Variants in TRABD2B observed in about 807,000 individuals in gnomAD.
TRABD2B encodes the protein TraB domain containing 2B, also known as metalloprotease TIKI2.
TRABD2B carries 14 observed loss-of-function variants against 40.1 expected under a neutral mutation model. The observed-to-expected ratio is 0.35, with a 90% CI of 0.23 to 0.55. The LOEUF (loss-of-function observed/expected upper bound fraction) is 0.55. TRABD2B is among the 20% of genes least tolerant of loss of function. TRABD2B has a pLI of 0.90. For synonymous variants in TRABD2B, 263 were observed against 277.0 expected (o/e 0.95, Z 0.50); for missense variants, 541 against 648.6 (o/e 0.83, Z 1.80).
intron 2 of TRABD2B, among the ~76,000 whole-genome samples, chr1:47,918,523 G>A (rs1048128434): frequency 5.3e-5 from 8 of 152,066 alleles, no homozygotes; most frequent in South Asian, 2.1e-4. Context: ...CAAACACAGT[G>A]GCCTTCACTG....
chr1:47,935,586 T>C (rs1645096416), intron 2 of TRABD2B, among the ~76,000 whole-genome samples: 2 of 152,136 alleles, frequency 1.3e-5, no homozygotes, highest in African/African-American at 4.8e-5. Flanking sequence ...GCAGGATATT[T>C]AAGAGGACTC....
chr1:47,933,777 C>T (rs1332773745), intron 2 of TRABD2B, among the ~76,000 whole-genome samples: 1 of 152,172 alleles, frequency 6.6e-6, no homozygotes, highest in Non-Finnish European at 1.5e-5. Context: ...TCTGCTGAAC[C>T]AAACTTTTCC....
At chr1:47,811,901 C>T (rs983782191) in intron 2 of TRABD2B, among the ~76,000 whole-genome samples, 1 of 152,230 alleles carries the variant, frequency 6.6e-6, no homozygotes, top group Non-Finnish European at 1.5e-5. Flanking sequence ...GAACATTACA[C>T]CTACCATCCC....
At chr1:47,928,523 CTG>C (rs1167393012) in intron 2 of TRABD2B, among the ~76,000 whole-genome samples, 1 of 152,238 alleles carries the variant, frequency 6.6e-6, no homozygotes, top group Non-Finnish European at 1.5e-5. Context: ...GCCCAAGAAT[CTG>C]TGAAAAGACT....
intron 2 of TRABD2B, among the ~76,000 whole-genome samples, chr1:47,843,506 G>C (rs558990325): frequency 6.6e-6 from 1 of 152,280 alleles, no homozygotes; most frequent in South Asian, 2.1e-4. Flanking sequence ...GTTTGGTTTA[G>C]GGTATGTGCA....
chr1:47,904,566 G>A (rs1249528697), intron 2 of TRABD2B, among the ~76,000 whole-genome samples: 1 of 152,082 alleles, frequency 6.6e-6, no homozygotes, highest in East Asian at 1.9e-4. Context: ...AGGGGTGCTT[G>A]CGAAAAGCCC....
intron 2 of TRABD2B, among the ~76,000 whole-genome samples, chr1:47,955,149 G>A (rs1179977549): frequency 1.3e-5 from 2 of 152,092 alleles, no homozygotes; most frequent in East Asian, 3.9e-4. Context: ...CAGCCACTAA[G>A]CCCTAGGGCT....
rs1029575612 is a variant in TRABD2B at position 47,997,266 on chromosome 1, G to A, written c.-477C>T. 17 of 970,372 alleles carry A rather than the reference G, an allele frequency of 1.8e-5. No homozygotes were observed. The African/African-American group carries it at 2.3e-4, about 13-fold the overall frequency. 60.1% of individuals were successfully genotyped at this position (970,372 alleles called of 1,614,324 possible). A position where few individuals can be genotyped will look rare whatever the true frequency, so the allele number is the denominator to read the frequency against. On this transcript the variant is annotated 5_prime_UTR_variant, in exon 1 of 7. Coordinates refer to ENST00000606738, the MANE Select transcript of TRABD2B (RefSeq NM_001194986.2). ...GTGCGGCGGAAGGCGCGGCAGGGGT[G>A]GGGGGCGGCTCTGGGGCGACCGGCT... is the stretch of plus-strand genomic sequence containing the variant.
At chr1:47,918,303 A>G (rs1171890592) in intron 2 of TRABD2B, among the ~76,000 whole-genome samples, 1 of 152,216 alleles carries the variant, frequency 6.6e-6, no homozygotes, top group Non-Finnish European at 1.5e-5. Flanking sequence ...ACAACTGTGT[A>G]GCAAGTAGAT....
At chr1:47,962,121 C>T (rs574229363) in intron 2 of TRABD2B, among the ~76,000 whole-genome samples, 25 of 151,752 alleles carry the variant, frequency 1.6e-4, no homozygotes, top group Non-Finnish European at 3.2e-4. Flanking sequence ...CGACAGAAAG[C>T]CAAACACCAC....
Position 47,941,071 on chromosome 1 carries a change from T to TA in TRABD2B, c.666+52962dup, listed in dbSNP as rs2148361642. ...TTCTTCCGTGCAGCCTTCCCAGACT[T>TA]ACCCCTCCTCCTTTCTCTCTGTGGC... On this transcript the variant is annotated intron_variant, in intron 2 of 6. Transcript: ENST00000606738. Among the ~76,000 whole-genome samples the TA allele has an allele frequency of 1.3e-5, 2 of 152,154 alleles. 1 individual carries two copies. The highest frequency in any genetic ancestry group is 4.2e-4 in the South Asian group (2 of 4,806).
intron 5 of TRABD2B, among the ~76,000 whole-genome samples, chr1:47,776,045 G>A (rs1048463702): frequency 2.0e-5 from 3 of 151,984 alleles, no homozygotes; most frequent in African/African-American, 7.3e-5. Flanking sequence ...TGTGAAATGG[G>A]GGTGTTGCAG....
chr1:47,938,264 T>G (rs374621171), intron 2 of TRABD2B, among the ~76,000 whole-genome samples: 1 of 151,890 alleles, frequency 6.6e-6, no homozygotes. Context: ...CCACAGAAGG[T>G]GAAGGAAAGG....
intron 2 of TRABD2B, among the ~76,000 whole-genome samples, chr1:47,888,740 C>G (rs115715408): frequency 1.8e-3 from 278 of 152,280 alleles, no homozygotes; most frequent in African/African-American, 6.1e-3. Flanking sequence ...GAGGCCACTT[C>G]CAGGCTTGGC....
At position 47,789,821 on chromosome 1, in the gene TRABD2B, G is replaced by T. The variant is rs1282265468; in HGVS notation, c.988+4765C>A. Reference sequence around the variant, plus strand: ...GCACCCAAGCTCTGGTCCCCACCTTGCTGCCTTCTTGGAACCTCAGGCTTA... The same window carrying T: ...GCACCCAAGCTCTGGTCCCCACCTTTCTGCCTTCTTGGAACCTCAGGCTTA... On this transcript the variant is annotated intron_variant, in intron 4 of 6. Transcript: ENST00000606738. 5.3e-5 allele frequency among the ~76,000 whole-genome samples: 8 copies of T among 151,924 alleles called. No homozygotes were observed. The South Asian group carries it at 1.7e-3, about 32-fold the overall frequency.
chr1:47,914,914 C>T (rs1467128544), intron 2 of TRABD2B, among the ~76,000 whole-genome samples: 3 of 152,214 alleles, frequency 2.0e-5, no homozygotes, highest in Non-Finnish European at 4.4e-5. Flanking sequence ...TCCTCTGTGG[C>T]CCGTGCTCTG....
At chr1:47,914,218 C>G (rs1295602370) in intron 2 of TRABD2B, among the ~76,000 whole-genome samples, 1 of 152,246 alleles carries the variant, frequency 6.6e-6, no homozygotes, top group Non-Finnish European at 1.5e-5. Flanking sequence ...CAAATACCTT[C>G]CTTTGCAGTT....
intron 2 of TRABD2B, among the ~76,000 whole-genome samples, chr1:47,806,981 C>T (rs1424024164): frequency 6.6e-6 from 1 of 152,220 alleles, no homozygotes; most frequent in Non-Finnish European, 1.5e-5. Context: ...TCCACTCAGC[C>T]ATTCTTCCTG....
chr1:47,935,428 C>T (rs1425085892), intron 2 of TRABD2B, among the ~76,000 whole-genome samples: 5 of 152,180 alleles, frequency 3.3e-5, no homozygotes, highest in Non-Finnish European at 7.4e-5. Flanking sequence ...TTGTCTCTTG[C>T]TTCATTAAAA....
Sources: allele counts gnomAD v4.1 joint callset (sites outside exome capture counted in the v4.1 genomes callset), GRCh38; gene constraint gnomAD v4.1.1; transcripts MANE v1.5; gene names NCBI Gene and HGNC (gene_info 2026-07-23, HGNC 2026-07-21).